ARHGAP24: variants seen among roughly 807,000 people sequenced by gnomAD.
The protein encoded by ARHGAP24 is rho GTPase-activating protein 24.
ARHGAP24 carries 50 observed loss-of-function variants against 76.4 expected under a neutral mutation model. That is an observed-to-expected ratio of 0.65 (90% CI 0.52 to 0.83). The LOEUF (loss-of-function observed/expected upper bound fraction) is 0.83, where lower values mean the gene tolerates loss of function less well. ARHGAP24 is among the 40% of genes least tolerant of loss of function. The pLI is 0.00. For synonymous variants in ARHGAP24, 345 were observed against 323.3 expected, an observed-to-expected ratio of 1.07 and a Z score of -0.72; for missense variants, 930 against 914.2, an observed-to-expected ratio of 1.02 and a Z score of -0.22.
At chr4:85,762,485 A>AATAATAAT (rs1316585366) in intron 3 of ARHGAP24, among the ~76,000 whole-genome samples, 2 of 152,186 alleles carry the variant, frequency 1.3e-5, no homozygotes, top group Non-Finnish European at 2.9e-5. Flanking sequence ...ATAAGCTAAC[A>AATAATAAT]AATATTATTA....
chr4:85,847,257 A>G (rs550766407), intron 3 of ARHGAP24, among the ~76,000 whole-genome samples: 2 of 152,012 alleles, frequency 1.3e-5, no homozygotes, highest in East Asian at 3.9e-4. Context: ...ATTTTTTTTC[A>G]TTCATTTAAC....
intron 3 of ARHGAP24, among the ~76,000 whole-genome samples, chr4:85,893,571 C>G (rs1332991434): frequency 1.0e-5 from 1 of 95,966 alleles, no homozygotes; most frequent in African/African-American, 4.2e-5. Context: ...GACAAAATCT[C>G]TCAGCATTTG....
intron 3 of ARHGAP24, among the ~76,000 whole-genome samples, chr4:85,777,554 C>A (rs1282589940): frequency 6.6e-6 from 1 of 152,136 alleles, no homozygotes; most frequent in African/African-American, 2.4e-5. Context: ...AAGATTGGAG[C>A]AACCCAATCG....
At chr4:85,857,391 G>A (rs1427727945) in intron 3 of ARHGAP24, among the ~76,000 whole-genome samples, 1 of 152,066 alleles carries the variant, frequency 6.6e-6, no homozygotes, top group African/African-American at 2.4e-5. Flanking sequence ...ATCCACATAC[G>A]CTGCTTTCTG....
chr4:85,592,720 A>G (rs1728168682), intron 2 of ARHGAP24, among the ~76,000 whole-genome samples: 2 of 152,134 alleles, frequency 1.3e-5, no homozygotes, highest in Admixed American at 6.5e-5. Context: ...TCCCACATAT[A>G]AGAGAGAATA....
intron 8 of ARHGAP24, chr4:85,991,084 A>G (rs762939501): frequency 2.1e-4 from 32 of 152,048 alleles, no homozygotes; most frequent in Non-Finnish European, 4.0e-4. Context: ...GTGGCGAAAG[A>G]TTTGAAATAT....
chr4:85,972,631 A>G (rs1739055093), intron 6 of ARHGAP24, among the ~76,000 whole-genome samples: 1 of 152,178 alleles, frequency 6.6e-6, no homozygotes, highest in South Asian at 2.1e-4. Context: ...GTTTTTTAGT[A>G]TATTCTCAGA....
chr4:85,968,281 G>A (rs1738752062), intron 5 of ARHGAP24, among the ~76,000 whole-genome samples: 1 of 152,036 alleles, frequency 6.6e-6, no homozygotes, highest in African/African-American at 2.4e-5. Context: ...CTTCAGTGAG[G>A]CCTTGATGTT....
At chr4:85,634,513 A>G (rs889968469) in intron 2 of ARHGAP24, among the ~76,000 whole-genome samples, 1 of 151,858 alleles carries the variant, frequency 6.6e-6, no homozygotes, top group African/African-American at 2.4e-5. Context: ...GGTAACTGTC[A>G]GTTTCTTCCA....
At chr4:85,977,400 C>T (rs958519801) in intron 7 of ARHGAP24, among the ~76,000 whole-genome samples, 170 bp from the exon 8 acceptor site, 12 of 152,158 alleles carry the variant, frequency 7.9e-5, no homozygotes, top group Admixed American at 7.2e-4. Context: ...TTCTAATTTG[C>T]AATACATTGT....
chr4:85,639,910 C>T (rs570923869), intron 2 of ARHGAP24, among the ~76,000 whole-genome samples: 1 of 152,020 alleles, frequency 6.6e-6, no homozygotes, highest in South Asian at 2.1e-4. Context: ...ATGGCAAATT[C>T]CTGTGCGTTA....
chr4:85,708,736 G>T (rs1158601587), intron 2 of ARHGAP24, among the ~76,000 whole-genome samples: 1 of 152,108 alleles, frequency 6.6e-6, no homozygotes, highest in Non-Finnish European at 1.5e-5. Context: ...GGGTTTTTCA[G>T]ACCATATTTA....
At chr4:85,757,900 A>T (rs1476240837) in intron 3 of ARHGAP24, among the ~76,000 whole-genome samples, 3 of 152,100 alleles carry the variant, frequency 2.0e-5, no homozygotes, top group African/African-American at 7.2e-5. Context: ...CTTTTTAATG[A>T]TCGCCATTCT....
intron 3 of ARHGAP24, among the ~76,000 whole-genome samples, chr4:85,916,241 T>G (rs1429774961): frequency 7.3e-6 from 1 of 136,100 alleles, no homozygotes; most frequent in African/African-American, 2.8e-5. Context: ...GTTCGTGTCC[T>G]TCACCACTTT....
intron 3 of ARHGAP24, among the ~76,000 whole-genome samples, chr4:85,762,144 T>C (rs988335009): frequency 2.0e-5 from 3 of 152,200 alleles, no homozygotes; most frequent in Non-Finnish European, 4.4e-5. Flanking sequence ...CATGTGGTTA[T>C]GGGTGAATAG....
rs1272856650 is a variant in ARHGAP24 at position 85,942,043 on chromosome 4, T to G, written c.392-23T>G. ...TGGGAAGAGATAAATTTCCCAAGTTTACTGTGATCCTTTTTTTTTAAGGCA... is the reference window on the plus strand; with the variant it reads ...TGGGAAGAGATAAATTTCCCAAGTTGACTGTGATCCTTTTTTTTTAAGGCA... On this transcript the variant is annotated intron_variant, in intron 4 of 9. Transcript: ENST00000395184. The G allele has an allele frequency of 1.9e-5, 30 of 1,600,390 alleles. No individual in the cohort carries two copies. The Admixed American group carries it at 5.1e-4, about 27-fold the overall frequency.
At position 85,859,604 on chromosome 4, in the gene ARHGAP24, C is replaced by T. The variant is rs573764090; in HGVS notation, c.269-64044C>T. ...CATGATTTTAATGTGATATTTAGGT[C>T]TGAGTATCTCTATAAGCCCATGCTA... is the stretch of plus-strand genomic sequence containing the variant. On this transcript the variant is annotated intron_variant, in intron 3 of 9. Transcript: ENST00000395184. 9.2e-5 allele frequency among the ~76,000 whole-genome samples: 14 copies of T among 152,192 alleles called. No homozygotes were observed. In the East Asian group the frequency reaches 2.7e-3, roughly 29 times the overall value.
chr4:85,974,242 G>A (rs1167906946), intron 6 of ARHGAP24, among the ~76,000 whole-genome samples: 1 of 152,062 alleles, frequency 6.6e-6, no homozygotes, highest in Non-Finnish European at 1.5e-5. Context: ...CAACAGAAGA[G>A]GTGAGTGGTT....
intron 2 of ARHGAP24, among the ~76,000 whole-genome samples, chr4:85,657,348 C>G (rs183732645): frequency 6.6e-6 from 1 of 151,880 alleles, no homozygotes. Context: ...TTGTTCTTCC[C>G]TTTTAGTTTC....
Sources: gnomAD v4.1 joint callset for allele counts (sites outside exome capture counted in the v4.1 genomes callset) on GRCh38, gnomAD v4.1.1 for gene constraint, MANE v1.5 for transcripts, NCBI Gene and HGNC (gene_info 2026-07-23, HGNC 2026-07-21) for gene names.